The following REX1BD variants were observed in gnomAD, a reference collection of about 807,000 sequenced individuals.
REX1BD encodes the protein required for excision 1-B domain containing.
In REX1BD, 22 loss-of-function variants were observed where a neutral mutation model predicts 24.4. That is an observed-to-expected ratio of 0.90 (90% confidence interval 0.64 to 1.29). The LOEUF (loss-of-function observed/expected upper bound fraction) is 1.29, where lower values mean the gene tolerates loss of function less well. REX1BD is among the 50% of genes most tolerant of loss of function. REX1BD has a pLI of 0.00. For missense variants in REX1BD, 293 were observed against 285.3 expected, an observed-to-expected ratio of 1.03 and a Z score of -0.19; for synonymous variants, 146 against 125.9, an observed-to-expected ratio of 1.16 and a Z score of -1.07.
At position 18,588,827 on chromosome 19, in the gene REX1BD, C is replaced by G; in HGVS notation, c.26C>G (p.Pro9Arg). The G allele has an allele frequency of 9.8e-6, 15 of 1,533,036 alleles. No individual in the cohort carries two copies. The highest frequency in any genetic ancestry group is 1.2e-5 in the Non-Finnish European group (14 of 1,145,888). The allele number at this position is 1,533,036 out of a possible 1,614,324, so 95.0% of individuals were successfully genotyped here. A position where few individuals can be genotyped will look rare whatever the true frequency, so the allele number is the denominator to read the frequency against. Residue 9 changes from proline to arginine, a missense_variant, in exon 1 of 5, where the codon CCT (proline) becomes CGT (arginine). By Grantham distance (103) the Pro-to-Arg change is moderately radical. Transcript: ENST00000358607. ...ATGATCACCGAGACCGCGGCGGAGC[C>G]TACGGTCCCTGCAGTGCCTGCTGCT... is the stretch of plus-strand genomic sequence containing the variant. MITETAAE[P>R]TVPAVPAAEE...
intron 4 of REX1BD, 46 bp downstream of exon 4, chr19:18,590,979 A>G (rs748173871): frequency 6.8e-7 from 1 of 1,477,224 alleles, no homozygotes; most frequent in East Asian, 2.6e-5. Context: ...GATTTGCACC[A>G]GGGTTGGCAC....
intron 3 of REX1BD, chr19:18,590,205 C>CTGTTTTTT (rs1976008743): frequency 9.0e-6 from 1 of 111,536 alleles, no homozygotes; most frequent in African/African-American, 4.8e-5. Flanking sequence ...TGGCCTTTTT[C>CTGTTTTTT]TTTCTGGTGT....
In REX1BD at chr19:18,592,279, CGCT is replaced by C; in HGVS notation, c.*104_*106del. 3.1e-6 allele frequency: 4 copies of C among 1,298,256 alleles called. No individual in the cohort carries two copies. The highest frequency in any genetic ancestry group is 4.4e-6 in the Non-Finnish European group (4 of 904,452). The allele number at this position is 1,298,256 out of a possible 1,614,324, so 80.4% of individuals were successfully genotyped here. A position where few individuals can be genotyped will look rare whatever the true frequency, so the allele number is the denominator to read the frequency against. On this transcript the variant is annotated 3_prime_UTR_variant, in exon 5 of 5. Coordinates refer to ENST00000358607, the MANE Select transcript of REX1BD (RefSeq NM_001100418.2). ...AGCTGGCTGGGGTTGCGCCCCACTGCGCTGCTGACCTTCCTGCAGTTCCAGACA... is the reference window on the plus strand; with the variant it reads ...AGCTGGCTGGGGTTGCGCCCCACTGCGCTGACCTTCCTGCAGTTCCAGACA...
At position 18,590,870 on chromosome 19, in the gene REX1BD, T is replaced by G; in HGVS notation, c.470T>G (p.Leu157Trp). The change falls in exon 4 of 5, where the codon TTG (leucine) becomes TGG (tryptophan). Residue 157 changes from leucine (L) to tryptophan (W), a missense_variant. Physicochemically the swap from Leu to Trp is moderately conservative, Grantham distance 61 (BLOSUM62 -2). Coordinates refer to ENST00000358607, the MANE Select transcript of REX1BD (RefSeq NM_001100418.2). ...TRLGTVALLQ[L>W]METPELAGQE... The stretch of plus-strand genomic sequence containing the variant: ...CCCCACCAGGTGGCCCTGCTGCAGT[T>G]GATGGAGACGCCAGAGCTGGCGGGG... 6.2e-7 allele frequency: 1 copy of G among 1,606,360 alleles called. No individual in the cohort carries two copies. Among genetic ancestry groups the G allele is most frequent in the Non-Finnish European group, 8.5e-7 (1 of 1,176,996 alleles).
Position 18,590,811 on chromosome 19 carries a change from C to T in REX1BD, c.454-43C>T, listed in dbSNP as rs371553843. 3.5e-5 allele frequency: 54 copies of T among 1,561,744 alleles called. 1 individual carries two copies. The Middle Eastern group carries it at 5.0e-4, about 14-fold the overall frequency. ...ATCCTTGGAGGGCAGGGGGTGGGTT[C>T]TGCTCGTGGAGACATCCTTCGTGTT... On this transcript the variant is annotated intron_variant, in intron 3 of 4. Coordinates refer to ENST00000358607, the MANE Select transcript of REX1BD (RefSeq NM_001100418.2).
rs568105805 is a variant in REX1BD at position 18,588,827 on chromosome 19, C to T, written c.26C>T (p.Pro9Leu). 4.6e-6 allele frequency: 7 copies of T among 1,533,036 alleles called. No individual in the cohort carries two copies. In the South Asian group the frequency reaches 4.8e-5, roughly 10 times the overall value. The allele number at this position is 1,533,036 out of a possible 1,614,324, so 95.0% of individuals were successfully genotyped here. A position where few individuals can be genotyped will look rare whatever the true frequency, so the allele number is the denominator to read the frequency against. The change falls in exon 1 of 5, where the codon CCT (proline) becomes CTT (leucine). Residue 9 changes from proline (P) to leucine (L), a missense_variant. Physicochemically the swap from Pro to Leu is moderately conservative, Grantham distance 98. Coordinates refer to ENST00000358607, the MANE Select transcript of REX1BD (RefSeq NM_001100418.2). Reference protein sequence around the residue: MITETAAEPTVPAVPAAEE... With the variant: MITETAAELTVPAVPAAEE... ...ATGATCACCGAGACCGCGGCGGAGC[C>T]TACGGTCCCTGCAGTGCCTGCTGCT... is the stretch of plus-strand genomic sequence containing the variant.
chr19:18,590,605 A>C (rs1026685597), intron 3 of REX1BD: 1 of 434,602 alleles, frequency 2.3e-6, no homozygotes, highest in Admixed American at 4.2e-5. Flanking sequence ...TGCCTGGCTA[A>C]GACGTCACTG....
intron 1 of REX1BD, 30 bp downstream of exon 1, chr19:18,588,930 CG>C (rs1568437148): frequency 2.9e-5 from 44 of 1,524,362 alleles, no homozygotes; most frequent in Non-Finnish European, 3.7e-5. Flanking sequence ...GGAACGGGCG[CG>C]GGGCGGGCGG....
In REX1BD at chr19:18,588,819, G is replaced by T; in HGVS notation, c.18G>T (p.Ala6=). MITET[A]AEPTVPAVPA... ...GCGCAGTCATGATCACCGAGACCGC[G>T]GCGGAGCCTACGGTCCCTGCAGTGC... is the stretch of plus-strand genomic sequence containing the variant. Residue 6 remains alanine (A), a synonymous_variant, in exon 1 of 5, where the codon GCG becomes GCT. Coordinates refer to ENST00000358607, the MANE Select transcript of REX1BD (RefSeq NM_001100418.2). The T allele has an allele frequency of 6.5e-7, 1 of 1,532,734 alleles. No individual in the cohort carries two copies. Among genetic ancestry groups the T allele is most frequent in the Non-Finnish European group, 8.7e-7 (1 of 1,145,788 alleles). The allele number at this position is 1,532,734 out of a possible 1,614,324, so 94.9% of individuals were successfully genotyped here.
At position 18,588,801 on chromosome 19, in the gene REX1BD, C is replaced by A; in HGVS notation, c.-1C>A. ...CGGAGCCTGGCCAGGGCTGCGCAGT[C>A]ATGATCACCGAGACCGCGGCGGAGC... On this transcript the variant is annotated 5_prime_UTR_variant, in exon 1 of 5. Coordinates refer to ENST00000358607, the MANE Select transcript of REX1BD (RefSeq NM_001100418.2). The A allele has an allele frequency of 2.0e-6, 3 of 1,532,010 alleles. No individual in the cohort carries two copies. The South Asian group carries it at 3.6e-5, about 18-fold the overall frequency. 94.9% of individuals were successfully genotyped at this position (1,532,010 alleles called of 1,614,324 possible).
rs1976050226 is a variant in REX1BD at position 18,591,927 on chromosome 19, A to G, written c.534-181A>G. The G allele has an allele frequency of 1.2e-5, 8 of 652,416 alleles. No individual in the cohort carries two copies. In the Admixed American group the frequency reaches 1.4e-4, roughly 11 times the overall value. The allele number at this position is 652,416 out of a possible 1,614,324, so 40.4% of individuals were successfully genotyped here. ...CTTTTCTCTCAGCCCACTGTGACCT[A>G]TGGGGCCACCCCTTCTCCCTAGCAC... On this transcript the variant is annotated intron_variant, in intron 4 of 4. Transcript: ENST00000358607.
intron 2 of REX1BD, 117 bp from the exon 3 acceptor site, chr19:18,589,296 C>T: frequency 6.5e-7 from 1 of 1,541,134 alleles, no homozygotes. Context: ...CTTCTCTCTC[C>T]TCCCCAAGAG....
In REX1BD at chr19:18,588,830, C is replaced by T. The variant is rs753691744; in HGVS notation, c.29C>T (p.Thr10Met). MITETAAEPTVPAVPAAEEA... is the reference protein window; with the variant it reads MITETAAEPMVPAVPAAEEA... Reference sequence around the variant, plus strand: ...ATCACCGAGACCGCGGCGGAGCCTACGGTCCCTGCAGTGCCTGCTGCTGAG... The same window carrying T: ...ATCACCGAGACCGCGGCGGAGCCTATGGTCCCTGCAGTGCCTGCTGCTGAG... The change falls in exon 1 of 5, where the codon ACG (threonine) becomes ATG (methionine). Residue 10 changes from threonine (T) to methionine (M), a missense_variant. Thr to Met is a moderately conservative substitution (Grantham distance 81). Coordinates refer to ENST00000358607, the MANE Select transcript of REX1BD (RefSeq NM_001100418.2). The T allele has an allele frequency of 1.5e-5, 23 of 1,532,724 alleles. No individual in the cohort carries two copies. Among genetic ancestry groups the T allele is most frequent in the Admixed American group, 2.0e-5 (1 of 50,870 alleles). 94.9% of individuals were successfully genotyped at this position (1,532,724 alleles called of 1,614,324 possible).
chr19:18,591,917 A>G (rs1212753957), intron 4 of REX1BD, 191 bp from the exon 5 acceptor site: 7 of 624,368 alleles, frequency 1.1e-5, no homozygotes, highest in Non-Finnish European at 1.7e-5. Flanking sequence ...CTCTCAGCCC[A>G]CTGTGACCTA....
Position 18,589,507 on chromosome 19 carries a change from CCTGA to C in REX1BD, c.280_283del (p.Asp94ThrfsTer13). The C allele has an allele frequency of 1.3e-6, 2 of 1,574,468 alleles. No individual in the cohort carries two copies. The highest frequency in any genetic ancestry group is 1.7e-6 in the Non-Finnish European group (2 of 1,165,166). ...CCACCGCCAGTACCTGCGCAGCGGC[CCTGA>C]CTACGACTTCGCGCGCTACCGGAGC... is the stretch of plus-strand genomic sequence containing the variant. On this transcript the variant is annotated frameshift_variant, in exon 3 of 5. Transcript: ENST00000358607. LOFTEE classifies it high-confidence loss of function.
In REX1BD at chr19:18,592,108, G is replaced by A; in HGVS notation, c.534G>A (p.Lys178=). 1 of 1,614,030 alleles carries A rather than the reference G, an allele frequency of 6.2e-7. No individual in the cohort carries two copies. Among genetic ancestry groups the A allele is most frequent in the Non-Finnish European group, 8.5e-7 (1 of 1,180,012 alleles). Residue 178 remains lysine, a splice_region_variant and synonymous_variant, in exon 5 of 5, where the codon AAG becomes AAA. Transcript: ENST00000358607. ...TTATAGTTCCCATCCGCTCTTGTAG[G>A]GTAATTAAAACCATGGAGGCGATCA... ...DAVRMQQLKM[K]VIKTMEAISE... is the part of the protein sequence containing the mutation.
At chr19:18,591,833 G>A (rs1332738145) in intron 4 of REX1BD, 3 of 465,308 alleles carry the variant, frequency 6.4e-6, no homozygotes, top group Non-Finnish European at 1.2e-5. Context: ...GACCTCAGGT[G>A]ATCTGCCTGC....
At position 18,589,557 on chromosome 19, in the gene REX1BD, G is replaced by A. The variant is rs1439928417; in HGVS notation, c.327G>A (p.Gln109=). The A allele has an allele frequency of 2.5e-6, 4 of 1,572,574 alleles. No homozygotes were observed. Among genetic ancestry groups the A allele is most frequent in the East Asian group, 2.3e-5 (1 of 42,908 alleles). Residue 109 remains glutamine (Q), a synonymous_variant, in exon 3 of 5, where the codon CAG becomes CAA. Coordinates refer to ENST00000358607, the MANE Select transcript of REX1BD (RefSeq NM_001100418.2). Reference sequence around the variant, plus strand: ...GGAGCACAGTGCACGGGGTGACCCAGGCCTTCGCCGCCGCCTCGCGGGAGG... The same window carrying A: ...GGAGCACAGTGCACGGGGTGACCCAAGCCTTCGCCGCCGCCTCGCGGGAGG... ...RYRSTVHGVT[Q]AFAAASREVL...
At chr19:18,590,725 ACTGCC>A in intron 3 of REX1BD, 124 bp from the exon 4 acceptor site, 1 of 783,732 alleles carries the variant, frequency 1.3e-6, no homozygotes, top group Non-Finnish European at 2.0e-6. Flanking sequence ...TACACAAAGC[ACTGCC>A]CCTCGTGGTT....
Sources: allele counts gnomAD v4.1 joint callset, GRCh38; gene constraint gnomAD v4.1.1; transcripts MANE v1.5; gene names NCBI Gene and HGNC (gene_info 2026-07-23, HGNC 2026-07-21).